NRG1: variants seen among roughly 807,000 people sequenced by gnomAD.
NRG1 encodes the protein pro-neuregulin-1, membrane-bound isoform.
NRG1 carries 18 observed loss-of-function variants against 63.8 expected under a neutral mutation model. That is an observed-to-expected ratio of 0.28 (90% confidence interval 0.19 to 0.42). NRG1 has a LOEUF of 0.42. NRG1 is among the 10% of genes least tolerant of loss of function. NRG1 has a pLI of 1.00. For missense variants in NRG1, 762 were observed against 814.7 expected, an observed-to-expected ratio of 0.94 and a Z score of 0.79; for synonymous variants, 302 against 301.3, an observed-to-expected ratio of 1.00 and a Z score of -0.02.
At chr8:32,540,508 C>T (rs1438952959) in intron 1 of NRG1, among the ~76,000 whole-genome samples, 5 of 152,186 alleles carry the variant, frequency 3.3e-5, no homozygotes, top group Non-Finnish European at 5.9e-5. Context: ...GTAAAAGTAA[C>T]TTTCTTCTTC....
At chr8:32,173,801 T>A (rs1020376002) in intron 1 of NRG1, among the ~76,000 whole-genome samples, 1 of 152,138 alleles carries the variant, frequency 6.6e-6, no homozygotes, top group African/African-American at 2.4e-5. Flanking sequence ...CTATCCTAAA[T>A]ATATATGCAC....
At position 32,229,354 on chromosome 8, in the gene NRG1, G is replaced by T. The variant is rs759759042; in HGVS notation, c.38-366474G>T. Among the ~76,000 whole-genome samples the T allele has an allele frequency of 4.9e-4, 74 of 152,312 alleles. 1 individual carries two copies. The highest frequency in any genetic ancestry group is 2.3e-3 in the South Asian group (11 of 4,822). On this transcript the variant is annotated intron_variant, in intron 1 of 10. Coordinates refer to the NRG1 transcript ENST00000519301. ...GCAGCTTTAAATTGACAGCTTTTGG[G>T]TTTGTGAGGATATTGTGAGTCAGGG...
At chr8:31,781,536 C>G (rs1819687305) in intron 1 of NRG1, among the ~76,000 whole-genome samples, 1 of 152,144 alleles carries the variant, frequency 6.6e-6, no homozygotes, top group Non-Finnish European at 1.5e-5. Context: ...GGAGATGGCA[C>G]TGGTCATCTG....
chr8:32,011,530 T>C (rs138449190), intron 1 of NRG1, among the ~76,000 whole-genome samples: 1 of 152,250 alleles, frequency 6.6e-6, no homozygotes, highest in East Asian at 1.9e-4. Flanking sequence ...TTTTCTGTAG[T>C]CACGTCCTGT....
intron 1 of NRG1, among the ~76,000 whole-genome samples, chr8:31,811,061 A>G (rs967045981): frequency 1.3e-5 from 2 of 152,192 alleles, no homozygotes; most frequent in Admixed American, 6.5e-5. Context: ...GGTTAACTTT[A>G]TTTAGAAAGA....
intron 1 of NRG1, among the ~76,000 whole-genome samples, chr8:31,761,698 A>G (rs2131520570): frequency 6.6e-6 from 1 of 152,274 alleles, no homozygotes; most frequent in Admixed American, 6.5e-5. Flanking sequence ...GTGGTGCCCC[A>G]AAGCCATTAT....
chr8:32,010,656 C>A (rs1468552519), intron 1 of NRG1, among the ~76,000 whole-genome samples: 1 of 151,926 alleles, frequency 6.6e-6, no homozygotes, highest in Non-Finnish European at 1.5e-5. Flanking sequence ...ACTCTGTTAT[C>A]TTCTTCATTT....
At chr8:31,866,976 A>G (rs190892376) in intron 1 of NRG1, among the ~76,000 whole-genome samples, 1 of 152,286 alleles carries the variant, frequency 6.6e-6, no homozygotes, top group African/African-American at 2.4e-5. Context: ...GATTTTTAAA[A>G]TAGATATAAC....
intron 1 of NRG1, among the ~76,000 whole-genome samples, chr8:31,916,137 C>T (rs1476086487): frequency 6.6e-6 from 1 of 152,114 alleles, no homozygotes; most frequent in Non-Finnish European, 1.5e-5. Context: ...AGTTTGGCTA[C>T]ATTATCTAAA....
intron 1 of NRG1, among the ~76,000 whole-genome samples, chr8:32,480,859 C>A (rs1825179098): frequency 6.6e-6 from 1 of 152,086 alleles, no homozygotes. Flanking sequence ...AGAACAACAC[C>A]ACGCTATTCA....
At chr8:31,768,145 T>A (rs927009781) in intron 1 of NRG1, among the ~76,000 whole-genome samples, 3 of 151,998 alleles carry the variant, frequency 2.0e-5, no homozygotes, top group Admixed American at 1.3e-4. Flanking sequence ...GGAGTTATAT[T>A]TTTTTTACCC....
chr8:32,744,000 T>A (rs1314054663), intron 7 of NRG1, among the ~76,000 whole-genome samples: 1 of 152,066 alleles, frequency 6.6e-6, no homozygotes, highest in African/African-American at 2.4e-5. Flanking sequence ...AAGCAGACAG[T>A]GGGCTGGATT....
intron 1 of NRG1, among the ~76,000 whole-genome samples, chr8:31,929,512 TACAC>T (rs1166203846): frequency 6.6e-6 from 1 of 151,972 alleles, no homozygotes; most frequent in Non-Finnish European, 1.5e-5. Context: ...TCTTACATAA[TACAC>T]ACACATGTCT....
intron 5 of NRG1, among the ~76,000 whole-genome samples, chr8:32,698,775 A>G (rs548704584): frequency 6.6e-6 from 1 of 152,282 alleles, no homozygotes; most frequent in South Asian, 2.1e-4. Flanking sequence ...TTTGGGATCA[A>G]ATATATCATG....
chr8:32,625,946 A>G (rs568062659), intron 5 of NRG1, among the ~76,000 whole-genome samples: 44 of 152,048 alleles, frequency 2.9e-4, no homozygotes, highest in Admixed American at 2.6e-3. Flanking sequence ...GGTGCGTGCC[A>G]CCACGCCTGG....
At chr8:32,384,693 A>G (rs1810763119) in intron 1 of NRG1, among the ~76,000 whole-genome samples, 1 of 152,240 alleles carries the variant, frequency 6.6e-6, no homozygotes, top group African/African-American at 2.4e-5. Context: ...AGGGAAACTG[A>G]GTCTTAAAAT....
At chr8:32,127,865 T>C (rs1173695157) in intron 1 of NRG1, among the ~76,000 whole-genome samples, 1 of 151,736 alleles carries the variant, frequency 6.6e-6, no homozygotes, top group Non-Finnish European at 1.5e-5. Flanking sequence ...TTTAAGGCTG[T>C]AGTGTGCCAT....
intron 5 of NRG1, among the ~76,000 whole-genome samples, chr8:32,712,415 G>C (rs765783608): frequency 1.3e-5 from 2 of 152,146 alleles, no homozygotes; most frequent in Non-Finnish European, 2.9e-5. Flanking sequence ...TAAGTAAGGA[G>C]CAAGTGAAAA....
intron 1 of NRG1, among the ~76,000 whole-genome samples, chr8:31,742,218 A>G (rs1563349174): frequency 6.6e-6 from 1 of 151,886 alleles, no homozygotes; most frequent in African/African-American, 2.4e-5. Flanking sequence ...AATGATTAAA[A>G]GAGATTCAGA....
Sources: gnomAD v4.1 joint callset for allele counts (sites outside exome capture counted in the v4.1 genomes callset) on GRCh38, gnomAD v4.1.1 for gene constraint, MANE v1.5 for transcripts, NCBI Gene and HGNC (gene_info 2026-07-23, HGNC 2026-07-21) for gene names.